TNFAIP6: variants seen among roughly 807,000 people sequenced by gnomAD.
TNFAIP6 encodes the protein tumor necrosis factor-inducible gene 6 protein.
A neutral mutation model predicts 33.7 loss-of-function variants in TNFAIP6; 36 were observed. That is an observed-to-expected ratio of 1.07 (90% CI 0.82 to 1.41). TNFAIP6 has a LOEUF of 1.41. Ranked by LOEUF, TNFAIP6 falls within the 40% of genes most tolerant of loss-of-function variation. The pLI, the probability that TNFAIP6 is intolerant of heterozygous loss-of-function variation, is 0.00. For synonymous variants in TNFAIP6, 113 were observed against 112.8 expected, an observed-to-expected ratio of 1.00 and a Z score of -0.01; for missense variants, 273 against 331.9, an observed-to-expected ratio of 0.82 and a Z score of 1.38.
chr2:151,366,158 A>T lies in TNFAIP6; in HGVS notation c.335A>T (p.Asp112Val), dbSNP rs1277207727. 1 of 1,614,182 alleles carries T rather than the reference A, an allele frequency of 6.2e-7. No individual in the cohort carries two copies. The highest frequency in any genetic ancestry group is 8.5e-7 in the Non-Finnish European group (1 of 1,180,032). The change falls in exon 3 of 6, where the codon GAT (aspartate) becomes GTT (valine). Residue 112 changes from aspartate (D) to valine (V), a missense_variant. Physicochemically the swap from Asp to Val is radical, Grantham distance 152. Coordinates refer to ENST00000243347, the MANE Select transcript of TNFAIP6 (RefSeq NM_007115.4). ...GGATTTGGAAAAACTGGCATTATTG[A>T]TTATGGAATCCGTCTCAATAGGAGT... ...NCGFGKTGII[D>V]YGIRLNRSER... is the part of the protein sequence containing the mutation.
At chr2:151,369,363 C>T (rs34954281) in intron 3 of TNFAIP6, among the ~76,000 whole-genome samples, 34,610 of 151,644 alleles carry the variant, frequency 0.23, 5,042 homozygotes, top group East Asian at 0.39. Context: ...CTATGTTGCC[C>T]AGGTTGGCCT....
At chr2:151,376,865 CTTTT>C (rs71403162) in intron 5 of TNFAIP6, among the ~76,000 whole-genome samples, 35 of 114,172 alleles carry the variant, frequency 3.1e-4, no homozygotes, top group African/African-American at 1.2e-3. Context: ...TTTTTCTTTT[CTTTT>C]TTTTTTTTTT....
At chr2:151,363,067 A>T (rs1305076585) in intron 1 of TNFAIP6, among the ~76,000 whole-genome samples, 4 of 152,112 alleles carry the variant, frequency 2.6e-5, no homozygotes, top group Non-Finnish European at 4.4e-5. Context: ...TGTAATCCTA[A>T]CACTTTGGGA....
chr2:151,365,969 A>C, intron 2 of TNFAIP6, 87 bp from the exon 3 acceptor site: 1 of 1,304,210 alleles, frequency 7.7e-7, no homozygotes, highest in Non-Finnish European at 1.1e-6. Flanking sequence ...GAAACTTACT[A>C]TTGGAAGTGG....
In TNFAIP6 at chr2:151,366,017, G is replaced by A. The variant is rs768348958; in HGVS notation, c.233-39G>A. On this transcript the variant is annotated intron_variant, in intron 2 of 5. Transcript: ENST00000243347. ...AGATGACTTTTGCTTAGCCAAGACA[G>A]TTTACCTGTTTAGTCCATAACTCTT... The A allele has an allele frequency of 6.2e-5, 99 of 1,603,916 alleles. 1 individual carries two copies. The highest frequency in any genetic ancestry group is 7.8e-5 in the Non-Finnish European group (91 of 1,172,322).
At chr2:151,368,487 A>G (rs1162235668) in intron 3 of TNFAIP6, 1 of 151,420 alleles carries the variant, frequency 6.6e-6, no homozygotes, top group Non-Finnish European at 1.5e-5. Flanking sequence ...CTTTCCCTCT[A>G]GGTCATATTG....
chr2:151,373,634 C>T (rs546504752), intron 5 of TNFAIP6, 45 bp downstream of exon 5: 5 of 1,227,714 alleles, frequency 4.1e-6, no homozygotes, highest in South Asian at 1.7e-5. Flanking sequence ...TGTTTCTTTA[C>T]AGTGTCCCTG....
chr2:151,362,480 CTTTTTTTTTTTTTTT>C (rs34640251), intron 1 of TNFAIP6, among the ~76,000 whole-genome samples: 2 of 56,940 alleles, frequency 3.5e-5, no homozygotes, highest in South Asian at 6.0e-4. Context: ...TTACTAAATT[CTTTTTTTTTTTTTTT>C]TTTTTTTTTT....
intron 5 of TNFAIP6, among the ~76,000 whole-genome samples, chr2:151,376,617 T>C (rs1008257760): frequency 6.6e-6 from 1 of 152,160 alleles, no homozygotes; most frequent in South Asian, 2.1e-4. Flanking sequence ...TATGGACATA[T>C]TTCCATGTCA....
downstream of TNFAIP6, among the ~76,000 whole-genome samples, chr2:151,380,318 C>T (rs148576504): frequency 2.0e-4 from 31 of 151,494 alleles, no homozygotes; most frequent in African/African-American, 6.8e-4. Context: ...TATATATGTC[C>T]ATGTTTGTCA....
chr2:151,375,050 G>T lies in TNFAIP6; in HGVS notation c.664+1461G>T, dbSNP rs189169998. On this transcript the variant is annotated intron_variant, in intron 5 of 5. Transcript: ENST00000243347. ...TGAGGCAGGAGAATTGCTTGAACCC[G>T]GGAGGCAGAGGTTGTGGTGAGCCAA... Among the ~76,000 whole-genome samples the T allele has an allele frequency of 2.7e-3, 402 of 151,134 alleles. 2 individuals carry two copies. Among genetic ancestry groups the T allele is most frequent in the African/African-American group, 9.1e-3 (376 of 41,140 alleles).
chr2:151,368,152 T>C (rs1458348504), intron 3 of TNFAIP6, among the ~76,000 whole-genome samples: 1 of 151,966 alleles, frequency 6.6e-6, no homozygotes, highest in Admixed American at 6.6e-5. Context: ...GTATATTTTA[T>C]TATACAGTAA....
chr2:151,366,007 A>G, intron 2 of TNFAIP6, 49 bp from the exon 3 acceptor site: 2 of 1,586,744 alleles, frequency 1.3e-6, no homozygotes, highest in Non-Finnish European at 1.7e-6. Context: ...ACTTTTGCTT[A>G]GCCAAGACAG....
chr2:151,370,561 A>G (rs967290598), intron 4 of TNFAIP6, among the ~76,000 whole-genome samples: 2 of 151,844 alleles, frequency 1.3e-5, no homozygotes, highest in African/African-American at 4.8e-5. Flanking sequence ...GCTAAGTTGT[A>G]AGAAATAGTT....
intron 5 of TNFAIP6, among the ~76,000 whole-genome samples, chr2:151,377,209 G>A (rs1002570347): frequency 1.3e-5 from 2 of 148,380 alleles, no homozygotes; most frequent in Non-Finnish European, 3.0e-5. Context: ...TCGCTCTGTC[G>A]CCCAGGCTGG....
chr2:151,368,393 A>G (rs1015232214), intron 3 of TNFAIP6: 9 of 147,382 alleles, frequency 6.1e-5, no homozygotes, highest in African/African-American at 2.0e-4. Flanking sequence ...GAACAGGAGC[A>G]TAGAAAGGCT....
intron 4 of TNFAIP6, among the ~76,000 whole-genome samples, chr2:151,370,624 G>A (rs1684800960): frequency 6.6e-6 from 1 of 152,050 alleles, no homozygotes; most frequent in Non-Finnish European, 1.5e-5. Context: ...TATTAAAGTA[G>A]TGAGAGCTGC....
chr2:151,367,470 CTCTTCTTT>C (rs942368634), intron 3 of TNFAIP6, among the ~76,000 whole-genome samples: 4 of 151,952 alleles, frequency 2.6e-5, no homozygotes, highest in Admixed American at 2.6e-4. Context: ...TTAAGAGTAA[CTCTTCTTT>C]TCAAATGTAT....
chr2:151,376,930 G>T (rs1684921606), intron 5 of TNFAIP6, among the ~76,000 whole-genome samples: 2 of 139,062 alleles, frequency 1.4e-5, no homozygotes, highest in African/African-American at 5.5e-5. Flanking sequence ...AGGCTGGAGT[G>T]CAAGGGCGCC....
Sources: gnomAD v4.1 joint callset for allele counts (sites outside exome capture counted in the v4.1 genomes callset) on GRCh38, gnomAD v4.1.1 for gene constraint, MANE v1.5 for transcripts, NCBI Gene and HGNC (gene_info 2026-07-23, HGNC 2026-07-21) for gene names.